CTNNA3: variants seen among roughly 807,000 people sequenced by gnomAD.
CTNNA3 encodes the protein catenin alpha 3, also known as catenin alpha-3.
A neutral mutation model predicts 95.7 loss-of-function variants in CTNNA3; 76 were observed. The ratio of observed to expected loss-of-function variants is 0.79; its 90% CI spans 0.66 to 0.96. The LOEUF is 0.96. CTNNA3 is among the 40% of genes least tolerant of loss of function. The pLI is 0.00. For missense variants in CTNNA3, 1,191 were observed against 1,089.8 expected, an observed-to-expected ratio of 1.09 and a Z score of -1.31; for synonymous variants, 431 against 374.4, an observed-to-expected ratio of 1.15 and a Z score of -1.74.
At chr10:66,358,814 T>C (rs1162878403) in intron 12 of CTNNA3, among the ~76,000 whole-genome samples, 1 of 152,232 alleles carries the variant, frequency 6.6e-6, no homozygotes. Flanking sequence ...TTTTTAAATT[T>C]AAATAATGTT....
At chr10:67,389,115 C>T (rs1301177162) in intron 5 of CTNNA3, among the ~76,000 whole-genome samples, 3 of 151,788 alleles carry the variant, frequency 2.0e-5, no homozygotes, top group African/African-American at 4.8e-5. Flanking sequence ...CACAGACTGG[C>T]AAATTGGATA....
intron 12 of CTNNA3, among the ~76,000 whole-genome samples, chr10:66,292,978 A>G (rs1290607453): frequency 1.3e-5 from 2 of 152,144 alleles, no homozygotes; most frequent in Non-Finnish European, 2.9e-5. Flanking sequence ...ACCTCCTTCT[A>G]TCCTTCTATG....
intron 13 of CTNNA3, among the ~76,000 whole-genome samples, chr10:66,110,249 C>G (rs1326224209): frequency 6.6e-6 from 1 of 151,462 alleles, no homozygotes; most frequent in Non-Finnish European, 1.5e-5. Flanking sequence ...GTAATCCCAG[C>G]TACTAGGGAG....
At chr10:66,302,459 AAAAGAATATACAT>A (rs1213747512) in intron 12 of CTNNA3, among the ~76,000 whole-genome samples, 18 of 152,152 alleles carry the variant, frequency 1.2e-4, no homozygotes, top group African/African-American at 4.3e-4. Context: ...TTGTGTTTGT[AAAAGAATATACAT>A]AAAGTAAAAG....
At chr10:67,751,861 C>A (rs112527618) in intron 1 of CTNNA3, among the ~76,000 whole-genome samples, 20 of 149,134 alleles carry the variant, frequency 1.3e-4, no homozygotes, top group African/African-American at 4.2e-4. Context: ...AAGCCCAGGA[C>A]CAGATAGATT....
chr10:67,363,231 T>A (rs551121062), intron 5 of CTNNA3, among the ~76,000 whole-genome samples: 1 of 152,028 alleles, frequency 6.6e-6, no homozygotes. Flanking sequence ...CCTATCAAAC[T>A]ACCACCGTTT....
chr10:66,671,285 T>G (rs1243151817), intron 9 of CTNNA3, among the ~76,000 whole-genome samples: 1 of 152,192 alleles, frequency 6.6e-6, no homozygotes, highest in Non-Finnish European at 1.5e-5. Flanking sequence ...CAAAAGCTAT[T>G]TGATCCATAT....
intron 11 of CTNNA3, among the ~76,000 whole-genome samples, chr10:66,394,943 T>C (rs1184699931): frequency 1.3e-5 from 2 of 152,034 alleles, no homozygotes; most frequent in African/African-American, 4.8e-5. Flanking sequence ...ACAGATAGAA[T>C]GCAAATGTAC....
intron 10 of CTNNA3, among the ~76,000 whole-genome samples, chr10:66,561,843 C>T (rs2660020): frequency 0.8 from 122,186 of 151,954 alleles, 49,917 homozygotes; most frequent in Non-Finnish European, 0.88. Flanking sequence ...TGCATGATCT[C>T]AAATTTCACA....
At chr10:66,406,974 T>C (rs901056822) in intron 11 of CTNNA3, among the ~76,000 whole-genome samples, 4 of 152,142 alleles carry the variant, frequency 2.6e-5, no homozygotes, top group African/African-American at 9.7e-5. Context: ...TTCAAAGGAT[T>C]TTATTTACAT....
intron 5 of CTNNA3, among the ~76,000 whole-genome samples, chr10:67,281,004 T>C (rs937145140): frequency 1.1e-4 from 17 of 152,148 alleles, no homozygotes; most frequent in Admixed American, 1.1e-3. Flanking sequence ...AGAGGGAAAG[T>C]AGGCTTCCCC....
Position 66,520,638 on chromosome 10 carries a change from C to T in CTNNA3, c.1510G>A (p.Asp504Asn), listed in dbSNP as rs748498333. The T allele has an allele frequency of 1.9e-6, 3 of 1,607,106 alleles. No individual in the cohort carries two copies. The highest frequency in any genetic ancestry group is 2.6e-6 in the Non-Finnish European group (3 of 1,176,462). ...TEAVDDITSI[D>N]DFLAVSESHI... Reference sequence around the variant, plus strand: ...ATACCAGATACAGCAAGGAAGTCATCAATGCTTGTAATGTCATCTACGGCT... The same window carrying T: ...ATACCAGATACAGCAAGGAAGTCATTAATGCTTGTAATGTCATCTACGGCT... Residue 504 changes from aspartate (D) to asparagine (N), a missense_variant, in exon 11 of 18, where the codon GAT becomes AAT. Asp to Asn is a conservative substitution (Grantham distance 23). Coordinates refer to ENST00000433211, the MANE Select transcript of CTNNA3 (RefSeq NM_013266.4).
chr10:66,191,798 T>C (rs1370512768), intron 13 of CTNNA3, among the ~76,000 whole-genome samples: 1 of 152,114 alleles, frequency 6.6e-6, no homozygotes, highest in Non-Finnish European at 1.5e-5. Context: ...TTTCAATGTT[T>C]CTCCCAAAGT....
At chr10:66,619,658 C>G (rs1484143806) in intron 10 of CTNNA3, among the ~76,000 whole-genome samples, 2 of 149,166 alleles carry the variant, frequency 1.3e-5, no homozygotes, top group Non-Finnish European at 3.0e-5. Context: ...CACATTTATA[C>G]ATATGTAACT....
intron 11 of CTNNA3, among the ~76,000 whole-genome samples, chr10:66,417,316 C>A (rs1180072619): frequency 6.6e-6 from 1 of 151,852 alleles, no homozygotes; most frequent in Admixed American, 6.6e-5. Context: ...AAGGACCAAT[C>A]TAGCAAGAGG....
At chr10:67,069,291 T>G (rs73256464) in intron 7 of CTNNA3, among the ~76,000 whole-genome samples, 15,998 of 152,066 alleles carry the variant, frequency 0.11, 1,090 homozygotes, top group South Asian at 0.2. Flanking sequence ...GATAATCATC[T>G]AGTGCATTTC....
intron 5 of CTNNA3, among the ~76,000 whole-genome samples, chr10:67,434,578 T>C (rs1269655084): frequency 6.6e-6 from 1 of 151,912 alleles, no homozygotes; most frequent in Non-Finnish European, 1.5e-5. Flanking sequence ...TCCATATATG[T>C]GTGTGTCTGT....
intron 11 of CTNNA3, among the ~76,000 whole-genome samples, chr10:66,383,752 C>A (rs559789687): frequency 6.6e-6 from 1 of 152,170 alleles, no homozygotes; most frequent in African/African-American, 2.4e-5. Context: ...GATCTCTTGG[C>A]AGAAACCCTA....
intron 12 of CTNNA3, among the ~76,000 whole-genome samples, chr10:66,377,914 T>C (rs1435173600): frequency 6.6e-6 from 1 of 152,174 alleles, no homozygotes; most frequent in Non-Finnish European, 1.5e-5. Flanking sequence ...GATATAGCAA[T>C]ATAAATTTAA....
Sources: gnomAD v4.1 joint callset for allele counts (sites outside exome capture counted in the v4.1 genomes callset) on GRCh38, gnomAD v4.1.1 for gene constraint, MANE v1.5 for transcripts, NCBI Gene and HGNC (gene_info 2026-07-23, HGNC 2026-07-21) for gene names.